The following PARD3B variants were observed in gnomAD, a reference collection of about 807,000 sequenced individuals.
The protein encoded by PARD3B is partitioning defective 3 homolog B.
Under a neutral mutation model 130.2 loss-of-function variants are expected in PARD3B, and 103 were observed. The ratio of observed to expected loss-of-function variants is 0.79; its 90% CI spans 0.67 to 0.93. The LOEUF is 0.93. PARD3B is among the 40% of genes least tolerant of loss of function. PARD3B has a pLI of 0.00. For missense variants in PARD3B, 1,609 were observed against 1,499.2 expected (o/e 1.07, Z -1.21); for synonymous variants, 583 against 553.2 (o/e 1.05, Z -0.76).
intron 4 of PARD3B, among the ~76,000 whole-genome samples, chr2:205,049,947 A>G (rs1699074876): frequency 6.6e-6 from 1 of 152,104 alleles, no homozygotes. Context: ...TGCATGGAAT[A>G]GTGGCACATC....
chr2:205,463,924 C>A lies in PARD3B; in HGVS notation c.3044+23252C>A, dbSNP rs2048536436. On this transcript the variant is annotated intron_variant, in intron 20 of 22. Transcript: ENST00000406610. This position sits in a 1 kb window ranked among gnomAD's most constrained non-coding sequence, Gnocchi z 4.8. The stretch of plus-strand genomic sequence containing the variant: ...TAGAAAAGTGTTTTATTGAAGGGAT[C>A]TTCACTAAAACCTTCATCCCAGGTA... 6.6e-6 allele frequency among the ~76,000 whole-genome samples: 1 copy of A among 152,278 alleles called. No individual in the cohort carries two copies. The highest frequency in any genetic ancestry group is 2.1e-4 in the South Asian group (1 of 4,824).
At chr2:204,719,626 G>A (rs2038902347) in intron 2 of PARD3B, among the ~76,000 whole-genome samples, 1 of 151,900 alleles carries the variant, frequency 6.6e-6, no homozygotes, top group Admixed American at 6.6e-5. Context: ...CCAAACTTTG[G>A]TTTTCCTTGA....
At chr2:204,802,398 C>A (rs2042603480) in intron 2 of PARD3B, among the ~76,000 whole-genome samples, 1 of 152,042 alleles carries the variant, frequency 6.6e-6, no homozygotes, top group African/African-American at 2.4e-5. Context: ...TGGTGGGAGT[C>A]TAAATTAGCT....
At chr2:205,569,809 G>A (rs745817873) in intron 22 of PARD3B, among the ~76,000 whole-genome samples, 6 of 152,162 alleles carry the variant, frequency 3.9e-5, no homozygotes, top group African/African-American at 9.7e-5. Context: ...ATCCAATTGG[G>A]CTTTTTTCTC....
Position 204,678,869 on chromosome 2 carries a change from C to T in PARD3B, c.121-7312C>T, listed in dbSNP as rs1478201004. Among the ~76,000 whole-genome samples, 1 of 152,110 alleles carries T rather than the reference C, an allele frequency of 6.6e-6. No homozygotes were observed. Among genetic ancestry groups the T allele is most frequent in the Non-Finnish European group, 1.5e-5 (1 of 68,028 alleles). ...GCTGCCCTCTTCTATCCAGTATTTC[C>T]CTGCCTCCTGTCGGTATCGCTAACA... is the stretch of plus-strand genomic sequence containing the variant. On this transcript the variant is annotated intron_variant, in intron 1 of 22. Transcript: ENST00000406610. This position sits in a 1 kb window ranked among gnomAD's most constrained non-coding sequence, Gnocchi z 4.2.
At chr2:204,648,877 T>C (rs1207577849) in intron 1 of PARD3B, among the ~76,000 whole-genome samples, 16 of 37,060 alleles carry the variant, frequency 4.3e-4, no homozygotes, top group South Asian at 3.6e-3. Flanking sequence ...AATATATATT[T>C]ATAATATATA....
chr2:204,957,275 G>A (rs901796876), intron 2 of PARD3B, among the ~76,000 whole-genome samples: 6 of 152,078 alleles, frequency 3.9e-5, no homozygotes, highest in South Asian at 2.1e-4. Context: ...TGTATATTTG[G>A]CTGAAATATG....
At chr2:204,836,907 G>A (rs754661466) in intron 2 of PARD3B, among the ~76,000 whole-genome samples, 5 of 152,042 alleles carry the variant, frequency 3.3e-5, no homozygotes, top group Non-Finnish European at 7.4e-5. Flanking sequence ...TTATAAAAGT[G>A]TTATAAAAAT....
chr2:205,369,714 T>C (rs1400011722), intron 18 of PARD3B, among the ~76,000 whole-genome samples: 4 of 152,228 alleles, frequency 2.6e-5, no homozygotes, highest in Non-Finnish European at 5.9e-5. Flanking sequence ...ACATTACAGA[T>C]AATCACAGTG....
chr2:205,200,623 C>A (rs1408702493), intron 15 of PARD3B, among the ~76,000 whole-genome samples: 8 of 152,128 alleles, frequency 5.3e-5, no homozygotes, highest in Non-Finnish European at 8.8e-5. Flanking sequence ...GTATGCCAGG[C>A]AACATCCCAG....
At chr2:205,306,239 A>C (rs1172232325) in intron 18 of PARD3B, among the ~76,000 whole-genome samples, 1 of 152,168 alleles carries the variant, frequency 6.6e-6, no homozygotes, top group Non-Finnish European at 1.5e-5. Context: ...CTCCTTGAAC[A>C]CCTTGGTTTT....
chr2:204,642,984 G>C (rs1325215059), intron 1 of PARD3B, among the ~76,000 whole-genome samples: 2 of 150,966 alleles, frequency 1.3e-5, no homozygotes, highest in African/African-American at 4.9e-5. Flanking sequence ...CGTGGTGGCA[G>C]GTGCCTGTAG....
chr2:204,792,975 TCACTGA>T (rs1200932415), intron 2 of PARD3B, among the ~76,000 whole-genome samples: 2 of 152,016 alleles, frequency 1.3e-5, no homozygotes, highest in Admixed American at 1.3e-4. Flanking sequence ...ACAAGCAGAA[TCACTGA>T]CATTCTTTTA....
intron 19 of PARD3B, among the ~76,000 whole-genome samples, chr2:205,402,684 A>C (rs945551607): frequency 1.3e-5 from 2 of 152,186 alleles, no homozygotes; most frequent in Admixed American, 1.3e-4. Flanking sequence ...TTAAAAGCTG[A>C]GCTGTAAATT....
intron 1 of PARD3B, among the ~76,000 whole-genome samples, chr2:204,553,651 CATATATATATATATATATAT>C (rs55744172): frequency 0.011 from 891 of 83,424 alleles, 11 homozygotes; most frequent in East Asian, 0.017. Context: ...TATATATATC[CATATATATATATATATATAT>C]ATATATATAT....
chr2:204,601,941 G>C (rs1239601189), intron 1 of PARD3B, among the ~76,000 whole-genome samples: 1 of 152,020 alleles, frequency 6.6e-6, no homozygotes, highest in Non-Finnish European at 1.5e-5. Flanking sequence ...TCTGAAGGTG[G>C]TGTGCAGGTA....
intron 18 of PARD3B, among the ~76,000 whole-genome samples, chr2:205,332,480 G>A (rs2043172613): frequency 6.6e-6 from 1 of 152,142 alleles, no homozygotes; most frequent in African/African-American, 2.4e-5. Context: ...GGGAGAAAGC[G>A]CTCTGGAGAG....
intron 21 of PARD3B, among the ~76,000 whole-genome samples, chr2:205,528,080 A>G (rs143470318): frequency 1.3e-5 from 2 of 152,324 alleles, no homozygotes; most frequent in African/African-American, 4.8e-5. Context: ...TGAGTGATCC[A>G]GAAGCTAGGT....
At chr2:204,710,233 C>T (rs1016435983) in intron 2 of PARD3B, among the ~76,000 whole-genome samples, 2 of 152,158 alleles carry the variant, frequency 1.3e-5, no homozygotes, top group Non-Finnish European at 2.9e-5. Context: ...AATTCAAGCT[C>T]TTGCAGGTCA....
Sources: allele counts gnomAD v4.1 joint callset (sites outside exome capture counted in the v4.1 genomes callset), GRCh38; gene constraint gnomAD v4.1.1; non-coding constraint Gnocchi (gnomAD v3.1); transcripts MANE v1.5; gene names NCBI Gene and HGNC (gene_info 2026-07-23, HGNC 2026-07-21).